ZDHHC11B: variants seen among roughly 807,000 people sequenced by gnomAD.
ZDHHC11B encodes zDHHC palmitoyltransferase 11B (putative), also known as probable palmitoyltransferase ZDHHC11B.
In ZDHHC11B, 17 loss-of-function variants were observed where a neutral mutation model predicts 42.3. The ratio of observed to expected loss-of-function variants is 0.40; its 90% CI spans 0.27 to 0.60. The LOEUF (loss-of-function observed/expected upper bound fraction) is 0.60. Ranked by LOEUF, ZDHHC11B falls within the 20% of genes least tolerant of loss-of-function variation. The pLI is 0.41. For synonymous variants in ZDHHC11B, 123 were observed against 193.5 expected (o/e 0.64, Z 3.02); for missense variants, 262 against 463.2 (o/e 0.57, Z 3.99).
At chr5:713,422 A>C (rs1257195096) in intron 13 of ZDHHC11B, among the ~76,000 whole-genome samples, 7 of 152,022 alleles carry the variant, frequency 4.6e-5, no homozygotes, top group African/African-American at 9.7e-5. Flanking sequence ...GGTCTGCCAA[A>C]TTCAACATCT....
intron 4 of ZDHHC11B, among the ~76,000 whole-genome samples, chr5:766,211 G>A (rs762425257): frequency 1.5e-4 from 23 of 151,850 alleles, no homozygotes; most frequent in Non-Finnish European, 3.1e-4. Context: ...CGCCTGATGG[G>A]AGGTGAGAGC....
chr5:739,014 G>C (rs1383237123), intron 10 of ZDHHC11B, among the ~76,000 whole-genome samples: 4 of 150,680 alleles, frequency 2.7e-5, no homozygotes, highest in South Asian at 2.1e-4. Flanking sequence ...ATAGAACCCA[G>C]GGATAGGAAG....
At chr5:732,485 G>C in intron 11 of ZDHHC11B, 1 of 332,756 alleles carries the variant, frequency 3.0e-6, no homozygotes, top group Admixed American at 3.5e-5. Flanking sequence ...GTCTGGGCGG[G>C]GGTGGGCTGG....
At chr5:766,952 T>A in intron 3 of ZDHHC11B, 33 bp from the exon 4 acceptor site, 1 of 1,603,530 alleles carries the variant, frequency 6.2e-7, no homozygotes, top group Non-Finnish European at 8.5e-7. Context: ...ACCTGCGCCA[T>A]CAGCTCCGGG....
At chr5:778,522 G>C (rs1444015447) in intron 1 of ZDHHC11B, among the ~76,000 whole-genome samples, 1 of 151,438 alleles carries the variant, frequency 6.6e-6, no homozygotes, top group East Asian at 1.9e-4. Context: ...GCTTCACTGA[G>C]TGCCAGACTC....
chr5:748,376 G>A lies in ZDHHC11B; in HGVS notation c.784+28C>T, dbSNP rs776144417. On this transcript the variant is annotated intron_variant, in intron 8 of 13. Coordinates refer to ENST00000508859, the MANE Select transcript of ZDHHC11B (RefSeq NM_001351303.2). ...AGCTCTGACCAACCAGGCTTGGGGG[G>A]ATCGGGGGCTTAGGGTGGGGGACAT... is the stretch of plus-strand genomic sequence containing the variant. 8.2e-6 allele frequency: 10 copies of A among 1,226,942 alleles called. 4 individuals carry two copies. The highest frequency in any genetic ancestry group is 7.0e-5 in the South Asian group (4 of 57,492). The allele number at this position is 1,226,942 out of a possible 1,614,324, so 76.0% of individuals were successfully genotyped here. A position where few individuals can be genotyped will look rare whatever the true frequency, so the allele number is the denominator to read the frequency against.
At chr5:720,727 G>T (rs1175770776) in intron 12 of ZDHHC11B, among the ~76,000 whole-genome samples, 1 of 151,608 alleles carries the variant, frequency 6.6e-6, no homozygotes, top group East Asian at 1.9e-4. Flanking sequence ...TTGTTAATGG[G>T]TGCACACTGT....
chr5:712,601 C>T (rs1352900178), intron 13 of ZDHHC11B, among the ~76,000 whole-genome samples: 1 of 143,490 alleles, frequency 7.0e-6, no homozygotes, highest in African/African-American at 2.6e-5. Context: ...TCTTTTATCA[C>T]TAGATATTTT....
chr5:733,627 A>G (rs1743234897), intron 11 of ZDHHC11B, 125 bp downstream of exon 11: 2 of 822,222 alleles, frequency 2.4e-6, no homozygotes, highest in South Asian at 1.7e-5. Context: ...CCATGTGAGC[A>G]GCACCCTTGG....
At chr5:765,898 C>G (rs533721935) in intron 4 of ZDHHC11B, among the ~76,000 whole-genome samples, 2 of 152,056 alleles carry the variant, frequency 1.3e-5, no homozygotes, top group African/African-American at 4.8e-5. Context: ...CCCACCAGTT[C>G]CGGACACAGT....
intron 8 of ZDHHC11B, chr5:747,453 TAG>T (rs780003078): frequency 1.3e-5 from 2 of 149,014 alleles, no homozygotes; most frequent in African/African-American, 2.5e-5. Flanking sequence ...AGATGTGCGT[TAG>T]AGGTGTGTGT....
At chr5:778,834 C>A (rs1359505902) in intron 1 of ZDHHC11B, among the ~76,000 whole-genome samples, 1 of 151,898 alleles carries the variant, frequency 6.6e-6, no homozygotes, top group Admixed American at 6.6e-5. Flanking sequence ...TTCGTCCCCT[C>A]CAAAATCCAC....
At chr5:732,510 T>G in intron 11 of ZDHHC11B, 1 of 351,796 alleles carries the variant, frequency 2.8e-6, no homozygotes, top group South Asian at 2.2e-5. Flanking sequence ...TCGATTGGTT[T>G]CCACTGAGTG....
At chr5:752,467 C>T (rs1430668821) in intron 6 of ZDHHC11B, among the ~76,000 whole-genome samples, 1 of 87,468 alleles carries the variant, frequency 1.1e-5, no homozygotes, top group African/African-American at 3.2e-5. Flanking sequence ...ACCATCTTCC[C>T]TTGGTCTTTC....
At chr5:778,348 G>T (rs1489765857) in intron 1 of ZDHHC11B, among the ~76,000 whole-genome samples, 1 of 151,302 alleles carries the variant, frequency 6.6e-6, no homozygotes, top group African/African-American at 2.4e-5. Flanking sequence ...ACCTTCTGTG[G>T]GGACAGCAAG....
At chr5:713,928 G>A (rs920718294) in intron 13 of ZDHHC11B, among the ~76,000 whole-genome samples, 2 of 128,032 alleles carry the variant, frequency 1.6e-5, no homozygotes, top group African/African-American at 5.6e-5. Flanking sequence ...TCCTGAAAAG[G>A]TGAAAATGAA....
At chr5:778,307 A>G (rs1736710845) in intron 1 of ZDHHC11B, among the ~76,000 whole-genome samples, 1 of 151,566 alleles carries the variant, frequency 6.6e-6, no homozygotes, top group South Asian at 2.1e-4. Context: ...CGGCGGCTGC[A>G]GATGCGGTGG....
chr5:721,946 G>C (rs1296816999), intron 12 of ZDHHC11B, among the ~76,000 whole-genome samples: 4 of 151,730 alleles, frequency 2.6e-5, no homozygotes, highest in Admixed American at 1.3e-4. Flanking sequence ...ATTCAGGACA[G>C]AAGAAGCTTT....
chr5:757,413 T>C (rs1734017471), intron 4 of ZDHHC11B, among the ~76,000 whole-genome samples: 1 of 151,914 alleles, frequency 6.6e-6, no homozygotes, highest in Admixed American at 6.6e-5. Context: ...GGGGCTGCTG[T>C]CCCTCCTGAC....
Sources: allele counts gnomAD v4.1 joint callset (sites outside exome capture counted in the v4.1 genomes callset), GRCh38; gene constraint gnomAD v4.1.1; transcripts MANE v1.5; gene names NCBI Gene and HGNC (gene_info 2026-07-23, HGNC 2026-07-21).